Variants in SEC23IP observed in about 807,000 individuals in gnomAD.
SEC23IP encodes the protein SEC23-interacting protein.
A neutral mutation model predicts 113.4 loss-of-function variants in SEC23IP; 70 were observed. The ratio of observed to expected loss-of-function variants is 0.62; its 90% CI spans 0.51 to 0.75. The LOEUF is 0.75. Ranked by LOEUF, SEC23IP falls within the 30% of genes least tolerant of loss-of-function variation. SEC23IP has a pLI of 0.00. For missense variants in SEC23IP, 1,160 were observed against 1,204.9 expected (o/e 0.96, Z 0.55); for synonymous variants, 398 against 421.0 (o/e 0.95, Z 0.67).
At chr10:119,895,792 T>C (rs1364438806) in intron 1 of SEC23IP, among the ~76,000 whole-genome samples, 1 of 151,912 alleles carries the variant, frequency 6.6e-6, no homozygotes, top group Non-Finnish European at 1.5e-5. Context: ...AGCTCATCCC[T>C]CTCTCCTGTC....
Position 119,900,305 on chromosome 10 carries a change from A to G in SEC23IP, c.696+1346A>G, listed in dbSNP as rs1854436343. On this transcript the variant is annotated intron_variant, in intron 2 of 18. Coordinates refer to ENST00000369075, the MANE Select transcript of SEC23IP (RefSeq NM_007190.4). The stretch of plus-strand genomic sequence containing the variant: ...TATGTGTGTGTGTGTGTGTATATAT[A>G]TATATATAAAATTTTTTTTTTTGAG... 2.0e-5 allele frequency among the ~76,000 whole-genome samples: 3 copies of G among 150,944 alleles called. No homozygotes were observed. The South Asian group carries it at 6.3e-4, about 32-fold the overall frequency.
chr10:119,902,737 T>C, intron 2 of SEC23IP, 62 bp from the exon 3 acceptor site: 2 of 1,318,962 alleles, frequency 1.5e-6, no homozygotes, highest in Non-Finnish European at 2.2e-6. Context: ...AGTTTGGGTG[T>C]GAAGCATATT....
intron 18 of SEC23IP, among the ~76,000 whole-genome samples, chr10:119,937,012 C>T (rs1054029151): frequency 1.3e-4 from 19 of 151,774 alleles, no homozygotes; most frequent in Non-Finnish European, 2.1e-4. Flanking sequence ...CTTAGCCTCC[C>T]GAGTAGCTGG....
At chr10:119,936,451 G>T (rs1443256374) in intron 18 of SEC23IP, among the ~76,000 whole-genome samples, 2 of 150,610 alleles carry the variant, frequency 1.3e-5, no homozygotes, top group African/African-American at 4.9e-5. Context: ...GCCGAGGCAG[G>T]AGGATCTCTT....
chr10:119,923,504 G>T (rs1225394337), intron 12 of SEC23IP, among the ~76,000 whole-genome samples: 1 of 149,592 alleles, frequency 6.7e-6, no homozygotes, highest in South Asian at 2.1e-4. Context: ...AAAAGGAATT[G>T]TTTCTAGTGT....
At chr10:119,929,851 G>A in intron 14 of SEC23IP, 89 bp downstream of exon 14, 1 of 827,436 alleles carries the variant, frequency 1.2e-6, no homozygotes. Context: ...GTCTTACTAT[G>A]TGGACCACAC....
chr10:119,892,747 T>C lies in SEC23IP; in HGVS notation c.-36T>C. 6.4e-7 allele frequency: 1 copy of C among 1,572,986 alleles called. No homozygotes were observed. Among genetic ancestry groups the C allele is most frequent in the Non-Finnish European group, 8.6e-7 (1 of 1,158,226 alleles). ...TTCCGGTCAGTGGTGTGGTACCGGG[T>C]ACCCGGAGACGTGTATCGGACGGTG... On this transcript the variant is annotated 5_prime_UTR_variant, in exon 1 of 19. Coordinates refer to ENST00000369075, the MANE Select transcript of SEC23IP (RefSeq NM_007190.4).
chr10:119,914,730 G>T lies in SEC23IP; in HGVS notation c.1313G>T (p.Gly438Val). Reference protein sequence around the residue: ...IDDNLDEIPDGEMPQVDHLVF... With the variant: ...IDDNLDEIPDVEMPQVDHLVF... ...TAGGTTTAAAAATTTTTTTTGATAG[G>T]GGAGATGCCTCAAGTTGACCATTTG... Residue 438 changes from glycine (G) to valine (V), a missense_variant and splice_region_variant, in exon 7 of 19, where the codon GGG (glycine) becomes GTG (valine). Gly to Val is a moderately radical substitution (Grantham distance 109). Transcript: ENST00000369075. 6 of 1,613,704 alleles carry T rather than the reference G, an allele frequency of 3.7e-6. No individual in the cohort carries two copies. The highest frequency in any genetic ancestry group is 5.1e-6 in the Non-Finnish European group (6 of 1,179,806).
At chr10:119,937,723 C>T (rs1265840678) in intron 18 of SEC23IP, among the ~76,000 whole-genome samples, 1 of 150,232 alleles carries the variant, frequency 6.7e-6, no homozygotes, top group Non-Finnish European at 1.5e-5. Context: ...TCTTTTTTTC[C>T]CCATTTGGCT....
chr10:119,904,911 T>A (rs1001047055), intron 4 of SEC23IP, among the ~76,000 whole-genome samples: 1 of 152,256 alleles, frequency 6.6e-6, no homozygotes, highest in South Asian at 2.1e-4. Context: ...GGTGAGCAGA[T>A]CACTTGAGGC....
At position 119,909,106 on chromosome 10, in the gene SEC23IP, G is replaced by A; in HGVS notation, c.1167G>A (p.Glu389=). ...GAAGATTAGAGTTTCCAAGTGGAGA[G>A]ACAATTGTTATGCACAATCCAAAGG... ...WHRRLEFPSG[E]TIVMHNPKVI... The change falls in exon 5 of 19, where the codon GAG becomes GAA. Residue 389 remains glutamate (E), a synonymous_variant. Coordinates refer to ENST00000369075, the MANE Select transcript of SEC23IP (RefSeq NM_007190.4). The A allele has an allele frequency of 1.9e-6, 3 of 1,612,404 alleles. No individual in the cohort carries two copies. Among genetic ancestry groups the A allele is most frequent in the Middle Eastern group, 3.3e-4 (2 of 6,052 alleles).
chr10:119,909,848 C>T (rs1854802174), intron 5 of SEC23IP, among the ~76,000 whole-genome samples: 2 of 151,858 alleles, frequency 1.3e-5, no homozygotes, highest in African/African-American at 4.8e-5. Context: ...TGTGATCACG[C>T]TCACTCCAGC....
intron 12 of SEC23IP, 36 bp from the exon 13 acceptor site, chr10:119,926,000 C>T: frequency 6.4e-7 from 1 of 1,550,462 alleles, no homozygotes; most frequent in Non-Finnish European, 8.8e-7. Flanking sequence ...TGAACTTTTT[C>T]TCATGATTAT....
rs908014191 is a variant in SEC23IP, at chr10:119,913,581, C to T, written c.1313-1149C>T. On this transcript the variant is annotated intron_variant, in intron 6 of 18. Coordinates refer to ENST00000369075, the MANE Select transcript of SEC23IP (RefSeq NM_007190.4). ...TCTGGGGCTCACTGCAACCTGCACCCGCTGGGTTCAAGCAATTCTTGTGTC... is the reference window on the plus strand; with the variant it reads ...TCTGGGGCTCACTGCAACCTGCACCTGCTGGGTTCAAGCAATTCTTGTGTC... Among the ~76,000 whole-genome samples, 8 of 151,572 alleles carry T rather than the reference C, an allele frequency of 5.3e-5. No individual in the cohort carries two copies. The South Asian group carries it at 6.2e-4, about 12-fold the overall frequency.
chr10:119,928,317 A>G (rs1374831233), intron 13 of SEC23IP, among the ~76,000 whole-genome samples: 1 of 152,124 alleles, frequency 6.6e-6, no homozygotes, highest in African/African-American at 2.4e-5. Context: ...GCTCCTTGTC[A>G]TGTATGTTAT....
At chr10:119,899,055 A>G (rs1854389494) in intron 2 of SEC23IP, 96 bp downstream of exon 2, 11 of 1,055,702 alleles carry the variant, frequency 1.0e-5, no homozygotes, top group African/African-American at 1.6e-5. Context: ...CTTATAATCA[A>G]TATGGTGACA....
Position 119,917,989 on chromosome 10 carries a change from T to C in SEC23IP, c.1698T>C (p.Phe566=), listed in dbSNP as rs1383866708. ...AGATAAACCATCTGCATGCACTCTT[T>C]ATGAGTCGGAACCCAGACTTCAAAG... ...GMEINHLHAL[F]MSRNPDFKGG... The change falls in exon 9 of 19, where the codon TTT becomes TTC. Residue 566 remains phenylalanine (F), a synonymous_variant. Transcript: ENST00000369075. The C allele has an allele frequency of 1.2e-6, 2 of 1,614,020 alleles. No homozygotes were observed. Among genetic ancestry groups the C allele is most frequent in the Non-Finnish European group, 1.7e-6 (2 of 1,180,006 alleles).
intron 4 of SEC23IP, among the ~76,000 whole-genome samples, chr10:119,906,004 G>A (rs1301985740): frequency 3.3e-5 from 5 of 152,228 alleles, no homozygotes; most frequent in Admixed American, 1.3e-4. Flanking sequence ...GGCTGGGCGT[G>A]GTGGCTCCTG....
intron 15 of SEC23IP, 150 bp from the exon 16 acceptor site, chr10:119,931,983 G>T (rs1855620225): frequency 3.9e-6 from 2 of 515,846 alleles, no homozygotes; most frequent in East Asian, 3.0e-5. Flanking sequence ...CATGCTGAGG[G>T]TTCTTGGCTG....
Sources: allele counts gnomAD v4.1 joint callset (sites outside exome capture counted in the v4.1 genomes callset), GRCh38; gene constraint gnomAD v4.1.1; transcripts MANE v1.5; gene names NCBI Gene and HGNC (gene_info 2026-07-23, HGNC 2026-07-21).